The following L3HYPDH variants were observed in gnomAD, a reference collection of about 807,000 sequenced individuals.
The protein encoded by L3HYPDH is trans-3-hydroxy-L-proline dehydratase.
Under a neutral mutation model 26.5 loss-of-function variants are expected in L3HYPDH, and 32 were observed. The ratio of observed to expected loss-of-function variants is 1.21; its 90% CI spans 0.91 to 1.62. The LOEUF (loss-of-function observed/expected upper bound fraction) is 1.62. Among genes scored for constraint, L3HYPDH ranks in the 40% most tolerant of loss-of-function variants. The pLI, the probability that L3HYPDH is intolerant of heterozygous loss-of-function variation, is 0.00. For missense variants in L3HYPDH, 554 were observed against 476.4 expected, an observed-to-expected ratio of 1.16 and a Z score of -1.52; for synonymous variants, 215 against 196.6, an observed-to-expected ratio of 1.09 and a Z score of -0.78.
chr14:59,478,080 AT>A (rs1292716544), intron 2 of L3HYPDH, among the ~76,000 whole-genome samples: 2 of 152,238 alleles, frequency 1.3e-5, no homozygotes, highest in South Asian at 2.1e-4. Context: ...TAGGAAAAAA[AT>A]AATAGGAATT....
the L3HYPDH span, among the ~76,000 whole-genome samples, chr14:59,491,367 G>A: frequency 4.6e-4 from 70 of 152,288 alleles, no homozygotes; most frequent in African/African-American, 1.6e-3. Context: ...TTCTAAAATT[G>A]TATTTCATTT....
upstream of L3HYPDH, chr14:59,484,515 C>G (rs1029002364): frequency 2.9e-5 from 44 of 1,537,752 alleles, no homozygotes; most frequent in African/African-American, 5.2e-4. Flanking sequence ...GCCGAGCTCG[C>G]TGTGGCCCGG....
At chr14:59,472,385 C>G (rs1247804575), downstream of L3HYPDH, among the ~76,000 whole-genome samples, 2 of 152,204 alleles carry the variant, frequency 1.3e-5, no homozygotes, top group Admixed American at 6.5e-5. Flanking sequence ...GCATCAGTCT[C>G]TGATACTTCA....
At chr14:59,494,880 A>G in the L3HYPDH span, 2 of 630,520 alleles carry the variant, frequency 3.2e-6, no homozygotes, top group Non-Finnish European at 5.5e-6. Context: ...CCCTTTTGAG[A>G]AAAAAAGGTT....
At chr14:59,494,040 C>T in the L3HYPDH span, among the ~76,000 whole-genome samples, 4 of 151,962 alleles carry the variant, frequency 2.6e-5, no homozygotes, top group Admixed American at 6.6e-5. Flanking sequence ...TCCTACCTTA[C>T]GTTAGGCACA....
chr14:59,477,951 T>C (rs1889754062), intron 2 of L3HYPDH, among the ~76,000 whole-genome samples: 1 of 152,214 alleles, frequency 6.6e-6, no homozygotes, highest in South Asian at 2.1e-4. Context: ...TGTGCTTCAC[T>C]CGTGCTAGAA....
the L3HYPDH span, among the ~76,000 whole-genome samples, chr14:59,498,227 T>C: frequency 2.0e-5 from 3 of 152,354 alleles, no homozygotes; most frequent in Admixed American, 6.5e-5. Flanking sequence ...CATGCTATCT[T>C]GTAAGTTGTT....
upstream of L3HYPDH, chr14:59,484,827 T>G (rs1295862621): frequency 8.1e-6 from 8 of 989,332 alleles, no homozygotes; most frequent in Non-Finnish European, 1.2e-5. Context: ...AGGTCTTTGT[T>G]GTTTGGTCCG....
chr14:59,479,079 T>C, intron 2 of L3HYPDH, 103 bp downstream of exon 2: 1 of 893,200 alleles, frequency 1.1e-6, no homozygotes, highest in Non-Finnish European at 1.7e-6. Context: ...TTAGTACTAT[T>C]AATAATTTAA....
the L3HYPDH span, among the ~76,000 whole-genome samples, chr14:59,502,660 T>C: frequency 6.6e-6 from 1 of 152,016 alleles, no homozygotes; most frequent in Non-Finnish European, 1.5e-5. Flanking sequence ...TTAAAGAAGA[T>C]AGGAAAATTA....
the L3HYPDH span, among the ~76,000 whole-genome samples, chr14:59,496,542 T>TA: frequency 1.3e-5 from 2 of 152,128 alleles, no homozygotes; most frequent in Non-Finnish European, 2.9e-5. Context: ...CCTATTACAG[T>TA]AGGAGGGTCA....
At chr14:59,470,160 C>T (rs1406105838), downstream of L3HYPDH, among the ~76,000 whole-genome samples, 1 of 152,088 alleles carries the variant, frequency 6.6e-6, no homozygotes, top group Non-Finnish European at 1.5e-5. Flanking sequence ...AGCTAACAGG[C>T]TTTTCATGTG....
At chr14:59,492,231 T>A in the L3HYPDH span, among the ~76,000 whole-genome samples, 1 of 151,538 alleles carries the variant, frequency 6.6e-6, no homozygotes, top group African/African-American at 2.4e-5. Context: ...CTTTTAGAAA[T>A]GAAAGTTTAT....
chr14:59,484,822 TTTG>T, upstream of L3HYPDH: 1 of 970,108 alleles, frequency 1.0e-6, no homozygotes, highest in South Asian at 1.7e-5. Flanking sequence ...ATGCCAGGTC[TTTG>T]TTGTTTGGTC....
chr14:59,476,996 T>C (rs192886177), intron 2 of L3HYPDH, among the ~76,000 whole-genome samples: 10 of 152,346 alleles, frequency 6.6e-5, no homozygotes, highest in African/African-American at 2.4e-4. Flanking sequence ...CAATTAGTAC[T>C]TTCTACTTCC....
intron 4 of L3HYPDH, among the ~76,000 whole-genome samples, chr14:59,474,286 C>T (rs1183573666): frequency 1.3e-5 from 2 of 152,126 alleles, no homozygotes; most frequent in Non-Finnish European, 2.9e-5. Context: ...CCAAGGAAAA[C>T]AGTCCTATCA....
chr14:59,492,797 ATTTTTTTT>A, the L3HYPDH span, among the ~76,000 whole-genome samples: 1 of 131,998 alleles, frequency 7.6e-6, no homozygotes, highest in Admixed American at 7.8e-5. Flanking sequence ...GAGAGCTGCT[ATTTTTTTT>A]TTTTTTTTTT....
At chr14:59,501,172 A>G in the L3HYPDH span, 1 of 1,463,056 alleles carries the variant, frequency 6.8e-7, no homozygotes, top group African/African-American at 1.4e-5. Context: ...CCAACATAAT[A>G]CCAATGCTTA....
At chr14:59,487,928 T>G (rs1890704435), upstream of L3HYPDH, 1 of 1,106,122 alleles carries the variant, frequency 9.0e-7, no homozygotes, top group East Asian at 2.4e-5. Flanking sequence ...GTTTTAAAAG[T>G]GGTAAACATG....
Sources: allele counts gnomAD v4.1 joint callset (sites outside exome capture counted in the v4.1 genomes callset), GRCh38; gene constraint gnomAD v4.1.1; transcripts MANE v1.5; gene names NCBI Gene and HGNC (gene_info 2026-07-23, HGNC 2026-07-21).